Variants in SPTB observed in about 807,000 individuals in gnomAD.
The protein encoded by SPTB is spectrin beta, erythrocytic, also known as spectrin beta chain, erythrocytic.
A neutral mutation model predicts 256.2 loss-of-function variants in SPTB; 45 were observed. The observed-to-expected ratio is 0.18, with a 90% CI of 0.14 to 0.23. The LOEUF (loss-of-function observed/expected upper bound fraction) is 0.23. Among genes scored for constraint, SPTB ranks in the 10% least tolerant of loss-of-function variants. SPTB has a pLI of 1.00. For missense variants in SPTB, 2,715 were observed against 3,040.4 expected (o/e 0.89, Z 2.52); for synonymous variants, 1,231 against 1,243.1 (o/e 0.99, Z 0.21).
intron 1 of SPTB, among the ~76,000 whole-genome samples, chr14:64,846,274 TC>T (rs1326571730): frequency 6.6e-6 from 1 of 151,954 alleles, no homozygotes; most frequent in Non-Finnish European, 1.5e-5. Context: ...TCTGAAAGGG[TC>T]AGAAAACATC....
rs1482554837 is a variant in SPTB, at chr14:64,754,133, G to C, written c.6346-340C>G. The C allele has an allele frequency of 2.6e-5, 11 of 425,868 alleles. No individual in the cohort carries two copies. In the East Asian group the frequency reaches 4.4e-4, roughly 17 times the overall value. 26.4% of individuals were successfully genotyped at this position (425,868 alleles called of 1,614,324 possible). Reference sequence around the variant, plus strand: ...ATTTCATTAAAGGGGTGTGAGGGGGGGCAGGTTCCAATGCTGCTGGCAAAG... The same window carrying C: ...ATTTCATTAAAGGGGTGTGAGGGGGCGCAGGTTCCAATGCTGCTGGCAAAG... On this transcript the variant is annotated intron_variant, in intron 32 of 35. Coordinates refer to ENST00000644917, the MANE Select transcript of SPTB (RefSeq NM_001355436.2).
rs141864456 is a variant in SPTB at position 64,865,881 on chromosome 14, G to A, written c.-52+13911C>T. ...TTCATTCCTCCCATCACTTCACACC[G>A]TAAAGAACCCTCCTGCGTCAAGTTT... On this transcript the variant is annotated intron_variant, in intron 1 of 35. Transcript: ENST00000644917. Among the ~76,000 whole-genome samples, 431 of 152,218 alleles carry A rather than the reference G, an allele frequency of 2.8e-3. 6 individuals carry two copies. The highest frequency in any genetic ancestry group is 0.01 in the Middle Eastern group (3 of 294).
Position 64,844,136 on chromosome 14 carries a change from TC to T in SPTB, c.-51-20992del, listed in dbSNP as rs2083650342. 6.6e-6 allele frequency among the ~76,000 whole-genome samples: 1 copy of T among 152,020 alleles called. No individual in the cohort carries two copies. On this transcript the variant is annotated intron_variant, in intron 1 of 35. Transcript: ENST00000644917. This position sits in a 1 kb window ranked among gnomAD's most constrained non-coding sequence, Gnocchi z 4.1. ...TGGTACACCCAGGCTGGGTAGAGAA[TC>T]TTCACGAAGAATGTGATGGCCATGA...
intron 3 of SPTB, 117 bp from the exon 4 acceptor site, chr14:64,803,897 C>A: frequency 2.8e-6 from 3 of 1,076,458 alleles, no homozygotes; most frequent in Non-Finnish European, 4.0e-6. Context: ...GGCCAAACAC[C>A]AAGTCCCATG....
Position 64,873,062 on chromosome 14 carries a change from T to TC in SPTB, c.-52+6729dup, listed in dbSNP as rs1030015094. ...TTCTCCCAAACATCCCATGCCTCTC[T>TC]CCCCACTTCATTTGAGTCTCAGCCC... is the stretch of plus-strand genomic sequence containing the variant. On this transcript the variant is annotated intron_variant, in intron 1 of 35. Coordinates refer to ENST00000644917, the MANE Select transcript of SPTB (RefSeq NM_001355436.2). This position sits in a 1 kb window ranked among gnomAD's most constrained non-coding sequence, Gnocchi z 4.3. Among the ~76,000 whole-genome samples the TC allele has an allele frequency of 1.3e-5, 2 of 152,126 alleles. No homozygotes were observed. The highest frequency in any genetic ancestry group is 4.8e-5 in the African/African-American group (2 of 41,440).
chr14:64,824,350 G>A lies in SPTB; in HGVS notation c.-51-1205C>T, dbSNP rs906761604. On this transcript the variant is annotated intron_variant, in intron 1 of 35. Coordinates refer to ENST00000644917, the MANE Select transcript of SPTB (RefSeq NM_001355436.2). This position sits in a 1 kb window ranked among gnomAD's most constrained non-coding sequence, Gnocchi z 5.7. Reference sequence around the variant, plus strand: ...CTGAAGGTAAGAAAGAACACAGAAAGCTTTGAGAACTTTAAGAAGTAACGG... The same window carrying A: ...CTGAAGGTAAGAAAGAACACAGAAAACTTTGAGAACTTTAAGAAGTAACGG... Among the ~76,000 whole-genome samples, 2 of 152,154 alleles carry A rather than the reference G, an allele frequency of 1.3e-5. No individual in the cohort carries two copies. Among genetic ancestry groups the A allele is most frequent in the Admixed American group, 6.5e-5 (1 of 15,276 alleles).
rs1741484 is a variant in SPTB at position 64,780,078 on chromosome 14, T to C, written c.4267-147A>G. The C allele has an allele frequency of 6.3e-5, 47 of 741,750 alleles. No homozygotes were observed. The African/African-American group carries it at 7.4e-4, about 12-fold the overall frequency. 45.9% of individuals were successfully genotyped at this position (741,750 alleles called of 1,614,324 possible). A position where few individuals can be genotyped will look rare whatever the true frequency, so the allele number is the denominator to read the frequency against. On this transcript the variant is annotated intron_variant, in intron 20 of 35. Coordinates refer to ENST00000644917, the MANE Select transcript of SPTB (RefSeq NM_001355436.2). Reference sequence around the variant, plus strand: ...GAGTCTCCTTGGATGCTCCCAGTCATCTTTCCCTCTTCTGAGTGCCTGTTT... The same window carrying C: ...GAGTCTCCTTGGATGCTCCCAGTCACCTTTCCCTCTTCTGAGTGCCTGTTT...
At chr14:64,843,435 T>C (rs2139757925) in intron 1 of SPTB, among the ~76,000 whole-genome samples, 1 of 152,162 alleles carries the variant, frequency 6.6e-6, no homozygotes. Context: ...TATACTTCAC[T>C]GGGGAAAAAA....
Position 64,793,755 on chromosome 14 carries a change from G to A in SPTB, c.1908C>T (p.Ser636=), listed in dbSNP as rs1389456917. ...AAGRKAQLEQ[S]KRLWKFFWEM... Reference sequence around the variant, plus strand: ...CCCAGAAGAACTTCCAGAGTCGTTTGGACTGCTCCAGTTGGGCCTTCCGCC... The same window carrying A: ...CCCAGAAGAACTTCCAGAGTCGTTTAGACTGCTCCAGTTGGGCCTTCCGCC... Residue 636 remains serine, a synonymous_variant, in exon 14 of 36, where the codon TCC becomes TCT. Transcript: ENST00000644917. The surrounding 1 kb of genome is among the most constrained non-coding windows in gnomAD (Gnocchi z 7.0). 1 of 1,607,100 alleles carries A rather than the reference G, an allele frequency of 6.2e-7. No individual in the cohort carries two copies. Among genetic ancestry groups the A allele is most frequent in the South Asian group, 1.1e-5 (1 of 90,836 alleles).
intron 1 of SPTB, among the ~76,000 whole-genome samples, chr14:64,874,098 G>A (rs535723272): frequency 3.9e-5 from 6 of 152,246 alleles, no homozygotes; most frequent in African/African-American, 1.4e-4. Flanking sequence ...TTCACAGGCT[G>A]AACCCCAACC....
At chr14:64,836,109 C>T (rs1315729560) in intron 1 of SPTB, among the ~76,000 whole-genome samples, 2 of 152,214 alleles carry the variant, frequency 1.3e-5, no homozygotes, top group African/African-American at 4.8e-5. Flanking sequence ...ATGTGCACCA[C>T]TTCAAGGCCT....
intron 32 of SPTB, 120 bp from the exon 33 acceptor site, chr14:64,753,913 C>T: frequency 1.5e-6 from 2 of 1,348,104 alleles, no homozygotes; most frequent in South Asian, 1.2e-5. Context: ...TACTTCCTTT[C>T]TACTCCCACC....
chr14:64,808,103 T>G (rs2083019678), intron 2 of SPTB, among the ~76,000 whole-genome samples: 1 of 152,142 alleles, frequency 6.6e-6, no homozygotes, highest in Non-Finnish European at 1.5e-5. Context: ...ACCTCCGCCT[T>G]CTGGGTTCAA....
intron 1 of SPTB, among the ~76,000 whole-genome samples, chr14:64,871,552 C>T (rs562181770): frequency 4.6e-5 from 7 of 152,286 alleles, no homozygotes; most frequent in African/African-American, 1.4e-4. Context: ...AAGTGGACTC[C>T]AGGTCGCTTA....
At position 64,750,043 on chromosome 14, in the gene SPTB, C is replaced by T; in HGVS notation, c.6714G>A (p.Leu2238=). Residue 2238 remains leucine, a synonymous_variant, in exon 34 of 36, where the codon CTG becomes CTA. Coordinates refer to ENST00000644917, the MANE Select transcript of SPTB (RefSeq NM_001355436.2). ...CAGCAATCTCACAGATGGCATGTCT[C>T]AGGGCCAGGGGTTCCTCCCCATGGT... The part of the protein sequence containing the change: ...MPYHGEEPLA[L]RHAICEIAAN... 2 of 1,614,216 alleles carry T rather than the reference C, an allele frequency of 1.2e-6. No homozygotes were observed. The highest frequency in any genetic ancestry group is 1.7e-6 in the Non-Finnish European group (2 of 1,180,032).
chr14:64,846,994 C>T (rs1342918525), intron 1 of SPTB, among the ~76,000 whole-genome samples: 1 of 152,288 alleles, frequency 6.6e-6, no homozygotes, highest in African/African-American at 2.4e-5. Flanking sequence ...ACAGCCAGCC[C>T]ACTAAGCTAT....
intron 15 of SPTB, among the ~76,000 whole-genome samples, chr14:64,788,518 C>T (rs8012640): frequency 0.064 from 9,728 of 152,184 alleles, 881 homozygotes; most frequent in African/African-American, 0.19. Flanking sequence ...CTGGGAATTC[C>T]GTGCCTGTCT....
At chr14:64,869,999 G>GGTTTT (rs1251257983) in intron 1 of SPTB, among the ~76,000 whole-genome samples, 1 of 152,076 alleles carries the variant, frequency 6.6e-6, no homozygotes, top group East Asian at 1.9e-4. Flanking sequence ...TAGGTGCAGA[G>GGTTTT]GTTTTGTTTT....
chr14:64,819,349 A>G (rs764341748), intron 2 of SPTB, among the ~76,000 whole-genome samples: 1 of 152,222 alleles, frequency 6.6e-6, no homozygotes, highest in Non-Finnish European at 1.5e-5. Flanking sequence ...TAAGAAGCAG[A>G]AAAGATCACA....
Sources: gnomAD v4.1 joint callset for allele counts (sites outside exome capture counted in the v4.1 genomes callset) on GRCh38, gnomAD v4.1.1 for gene constraint, Gnocchi (gnomAD v3.1) non-coding constraint, MANE v1.5 for transcripts, NCBI Gene and HGNC (gene_info 2026-07-23, HGNC 2026-07-21) for gene names.